Variants in ATP10B observed in about 807,000 individuals in gnomAD.
ATP10B encodes the protein ATPase phospholipid transporting 10B (putative), also known as phospholipid-transporting ATPase VB.
In ATP10B, 122 loss-of-function variants were observed where a neutral mutation model predicts 141.2. The observed-to-expected ratio is 0.86, with a 90% CI of 0.75 to 1.00. The LOEUF is 1.00. Ranked by LOEUF, ATP10B falls within the 50% of genes least tolerant of loss-of-function variation. The pLI is 0.00. For synonymous variants in ATP10B, 685 were observed against 692.0 expected, an observed-to-expected ratio of 0.99 and a Z score of 0.16; for missense variants, 1,876 against 1,825.3, an observed-to-expected ratio of 1.03 and a Z score of -0.51.
intron 21 of ATP10B, among the ~76,000 whole-genome samples, chr5:160,599,280 G>A (rs545632242): frequency 6.6e-6 from 1 of 152,282 alleles, no homozygotes; most frequent in East Asian, 1.9e-4. Context: ...GCAAAATGAT[G>A]TATGGCAAGC....
At chr5:160,620,300 A>G in intron 15 of ATP10B, 47 bp downstream of exon 15, 1 of 1,543,750 alleles carries the variant, frequency 6.5e-7, no homozygotes, top group Non-Finnish European at 8.7e-7. Flanking sequence ...CTGCTTCTTA[A>G]ACTATAGAAC....
At chr5:160,653,831 C>CATATATATTATATATACATATATAA (rs1414966461) in intron 7 of ATP10B, among the ~76,000 whole-genome samples, 4 of 124,484 alleles carry the variant, frequency 3.2e-5, no homozygotes, top group Non-Finnish European at 6.3e-5. Context: ...GACGTATATA[C>CATATATATTATATATACATATATAA]ATATATATTA....
chr5:160,735,605 C>CA (rs917121181), intron 2 of ATP10B, among the ~76,000 whole-genome samples: 7 of 151,746 alleles, frequency 4.6e-5, no homozygotes, highest in South Asian at 4.2e-4. Flanking sequence ...AGAAAATCAA[C>CA]AAAAAAAATC....
chr5:160,797,266 A>T (rs1277138389), intron 1 of ATP10B, among the ~76,000 whole-genome samples: 1 of 152,098 alleles, frequency 6.6e-6, no homozygotes, highest in East Asian at 1.9e-4. Flanking sequence ...AGGGCCCTGG[A>T]GGTTACCTAT....
intron 22 of ATP10B, among the ~76,000 whole-genome samples, chr5:160,594,412 C>A (rs1756535659): frequency 6.6e-6 from 1 of 152,150 alleles, no homozygotes; most frequent in Non-Finnish European, 1.5e-5. Context: ...AAGGAACAAC[C>A]AGTACCAGCC....
intron 2 of ATP10B, among the ~76,000 whole-genome samples, chr5:160,780,610 G>A (rs1434613758): frequency 6.6e-6 from 1 of 152,104 alleles, no homozygotes. Flanking sequence ...TTACCCCAGT[G>A]TACTGTGTAA....
At chr5:160,615,190 G>T (rs539431657) in intron 17 of ATP10B, among the ~76,000 whole-genome samples, 1 of 152,068 alleles carries the variant, frequency 6.6e-6, no homozygotes, top group East Asian at 1.9e-4. Flanking sequence ...TCATAATCTG[G>T]GTCCTGCTGA....
chr5:160,632,326 C>T lies in ATP10B; in HGVS notation c.1423G>A (p.Glu475Lys), dbSNP rs1758994360. 2.5e-6 allele frequency: 4 copies of T among 1,614,236 alleles called. No individual in the cohort carries two copies. In the East Asian group the frequency reaches 8.9e-5, roughly 36 times the overall value. ...ETPKELDSDG[E>K]EWTQYQCLSF... is the part of the protein sequence containing the mutation. ...AGGCATTGGTATTGGGTCCACTCTT[C>T]ACCATCTGAGTCCAGCTCCTTTGGG... Residue 475 changes from glutamate to lysine, a missense_variant, in exon 13 of 26, where the codon GAA (glutamate) becomes AAA (lysine). Glu to Lys is a moderately conservative substitution (Grantham distance 56, BLOSUM62 1). Coordinates refer to ENST00000327245, the MANE Select transcript of ATP10B (RefSeq NM_025153.3).
intron 2 of ATP10B, among the ~76,000 whole-genome samples, chr5:160,771,874 A>G (rs1316471413): frequency 6.6e-6 from 1 of 152,172 alleles, no homozygotes; most frequent in Non-Finnish European, 1.5e-5. Context: ...TCGGTTCCAT[A>G]CTATTCTAGG....
At chr5:160,667,595 T>G (rs1039255846) in intron 7 of ATP10B, among the ~76,000 whole-genome samples, 5 of 152,178 alleles carry the variant, frequency 3.3e-5, no homozygotes, top group African/African-American at 1.2e-4. Flanking sequence ...CCTCTCTCTC[T>G]TTTTTGTTTT....
chr5:160,823,815 CAG>C (rs1211861191), intron 1 of ATP10B, among the ~76,000 whole-genome samples: 2 of 152,066 alleles, frequency 1.3e-5, no homozygotes, highest in African/African-American at 2.4e-5. Flanking sequence ...GCCTGGGCGA[CAG>C]AGTGAGACTC....
chr5:160,746,142 A>C (rs1240684376), intron 2 of ATP10B, among the ~76,000 whole-genome samples: 1 of 152,206 alleles, frequency 6.6e-6, no homozygotes, highest in Non-Finnish European at 1.5e-5. Context: ...CCAGGATTCC[A>C]GGATTTTTGT....
At chr5:160,796,818 G>A (rs185931913) in intron 1 of ATP10B, among the ~76,000 whole-genome samples, 6 of 152,290 alleles carry the variant, frequency 3.9e-5, no homozygotes, top group African/African-American at 1.2e-4. Context: ...GACAAGAAGG[G>A]AATCCAGAGG....
chr5:160,803,769 A>C lies in ATP10B; in HGVS notation c.-575-17966T>G, dbSNP rs550972157. 5.3e-5 allele frequency among the ~76,000 whole-genome samples: 8 copies of C among 152,216 alleles called. No homozygotes were observed. In the South Asian group the frequency reaches 1.7e-3, roughly 32 times the overall value. On this transcript the variant is annotated intron_variant, in intron 1 of 25. Transcript: ENST00000327245. ...TTAAACCTGGTGGTCCTACCACTAA[A>C]CTCTCCTTAATTAATACTGAGAAAG...
At chr5:160,729,705 G>C (rs56039314) in intron 2 of ATP10B, among the ~76,000 whole-genome samples, 1 of 152,326 alleles carries the variant, frequency 6.6e-6, no homozygotes, top group Non-Finnish European at 1.5e-5. Flanking sequence ...TCCAAGAGGA[G>C]AAAATGGAAA....
chr5:160,802,076 C>T (rs1017198808), intron 1 of ATP10B, among the ~76,000 whole-genome samples: 19 of 152,126 alleles, frequency 1.2e-4, no homozygotes, highest in African/African-American at 4.1e-4. Context: ...TTGGTTGAGA[C>T]GTTGAAGGGA....
At chr5:160,872,988 G>T in the ATP10B span, among the ~76,000 whole-genome samples, 1 of 151,930 alleles carries the variant, frequency 6.6e-6, no homozygotes, top group African/African-American at 2.4e-5. Context: ...CACAATATTG[G>T]TTCTACCCAT....
At chr5:160,654,254 C>T (rs1226011893) in intron 7 of ATP10B, among the ~76,000 whole-genome samples, 7 of 151,756 alleles carry the variant, frequency 4.6e-5, no homozygotes, top group African/African-American at 1.5e-4. Flanking sequence ...TGTAAGCCAT[C>T]GTGCCTGGCC....
the ATP10B span, among the ~76,000 whole-genome samples, chr5:160,897,661 A>T: frequency 1.3e-5 from 2 of 152,192 alleles, no homozygotes; most frequent in Non-Finnish European, 2.9e-5. Flanking sequence ...GCTACCATTG[A>T]CTTCTTTCAC....
Sources: gnomAD v4.1 joint callset for allele counts (sites outside exome capture counted in the v4.1 genomes callset) on GRCh38, gnomAD v4.1.1 for gene constraint, MANE v1.5 for transcripts, NCBI Gene and HGNC (gene_info 2026-07-23, HGNC 2026-07-21) for gene names.